Variants in NGLY1 observed in about 807,000 individuals in gnomAD.
NGLY1 encodes the protein peptide-N(4)-(N-acetyl-beta-glucosaminyl)asparagine amidase.
A neutral mutation model predicts 84.6 loss-of-function variants in NGLY1; 68 were observed. The ratio of observed to expected loss-of-function variants is 0.80; its 90% CI spans 0.66 to 0.98. The LOEUF is 0.98. Among genes scored for constraint, NGLY1 ranks in the 50% least tolerant of loss-of-function variants. The pLI is 0.00. For synonymous variants in NGLY1, 280 were observed against 275.2 expected (o/e 1.02, Z -0.17); for missense variants, 779 against 770.2 (o/e 1.01, Z -0.14).
intron 2 of NGLY1, chr3:25,778,324 T>C (rs1047823392): frequency 4.4e-5 from 13 of 295,572 alleles, no homozygotes; most frequent in Middle Eastern, 9.8e-4. Flanking sequence ...TTGGGTTGCA[T>C]GTATGACCCT....
intron 3 of NGLY1, among the ~76,000 whole-genome samples, chr3:25,763,719 T>C (rs1349260531): frequency 6.6e-6 from 1 of 152,204 alleles, no homozygotes; most frequent in Non-Finnish European, 1.5e-5. Flanking sequence ...AATAATAAAA[T>C]TTCACTAATT....
At chr3:25,732,096 TA>T (rs1044318958) in intron 9 of NGLY1, among the ~76,000 whole-genome samples, 1 of 151,996 alleles carries the variant, frequency 6.6e-6, no homozygotes. Context: ...TTACATAAGG[TA>T]AAAAAAATTT....
chr3:25,772,193 G>A (rs936838529), intron 2 of NGLY1, among the ~76,000 whole-genome samples: 2 of 152,096 alleles, frequency 1.3e-5, no homozygotes, highest in Non-Finnish European at 2.9e-5. Context: ...TTACCTTAAG[G>A]TATGTCCCTT....
In NGLY1 at chr3:25,789,965, G is replaced by A. The variant is rs918536087; in HGVS notation, c.-100C>T. 5 of 1,435,462 alleles carry A rather than the reference G, an allele frequency of 3.5e-6. No individual in the cohort carries two copies. In the South Asian group the frequency reaches 3.7e-5, roughly 11 times the overall value. The allele number at this position is 1,435,462 out of a possible 1,614,324, so 88.9% of individuals were successfully genotyped here. ...GCTACCCAGCCGCCTCCCACGGTCT[G>A]ACCTCAGCCAAGGTGACGCGGCTTA... On this transcript the variant is annotated 5_prime_UTR_variant, in exon 1 of 12. Transcript: ENST00000417874.
intron 3 of NGLY1, among the ~76,000 whole-genome samples, chr3:25,756,982 T>C (rs1174553181): frequency 2.0e-5 from 3 of 152,362 alleles, no homozygotes; most frequent in Admixed American, 2.0e-4. Flanking sequence ...AGACCTGTTT[T>C]GTTTTTCTTA....
chr3:25,749,111 CAG>C (rs151335906), intron 4 of NGLY1, among the ~76,000 whole-genome samples: 45 of 152,178 alleles, frequency 3.0e-4, no homozygotes, highest in African/African-American at 1.1e-3. Context: ...TTGGTAAAAA[CAG>C]GGGAAATTAG....
Position 25,783,107 on chromosome 3 carries a change from C to T in NGLY1, c.131+153G>A. The T allele has an allele frequency of 1.5e-6, 1 of 659,588 alleles. No individual in the cohort carries two copies. Among genetic ancestry groups the T allele is most frequent in the Non-Finnish European group, 2.5e-6 (1 of 407,490 alleles). The allele number at this position is 659,588 out of a possible 1,614,324, so 40.9% of individuals were successfully genotyped here. On this transcript the variant is annotated intron_variant, in intron 1 of 11. Coordinates refer to ENST00000280700, the MANE Select transcript of NGLY1 (RefSeq NM_018297.4). The surrounding 1 kb of genome is among the most constrained non-coding windows in gnomAD (Gnocchi z 4.5). ...GGTCCCGAGGCCCCTGGCCGGCGGG[C>T]TCGGACGTTAGGAGCAGAACCAGCT...
At chr3:25,737,904 C>T (rs1467152482) in intron 5 of NGLY1, among the ~76,000 whole-genome samples, 2 of 152,116 alleles carry the variant, frequency 1.3e-5, no homozygotes, top group Non-Finnish European at 2.9e-5. Context: ...AATGTTAGAA[C>T]ATTTGGTGAA....
Position 25,736,154 on chromosome 3 carries a change from T to C in NGLY1, c.1004-5A>G, listed in dbSNP as rs775894052. The C allele has an allele frequency of 1.9e-6, 3 of 1,609,952 alleles. No individual in the cohort carries two copies. In the Admixed American group the frequency reaches 5.1e-5, roughly 27 times the overall value. ...AGACTTCTGTCCAGACATGGTCTAC[T>C]CAAGTAAGAGAAAAGAGAGCAATGG... On this transcript the variant is annotated splice_polypyrimidine_tract_variant and splice_region_variant and intron_variant, in intron 6 of 11. Coordinates refer to ENST00000280700, the MANE Select transcript of NGLY1 (RefSeq NM_018297.4).
chr3:25,733,466 C>CGTTGTATGT (rs1705647795), intron 8 of NGLY1, among the ~76,000 whole-genome samples: 1 of 134,124 alleles, frequency 7.5e-6, no homozygotes, highest in African/African-American at 2.8e-5. Context: ...CTCACATGGA[C>CGTTGTATGT]GTGTGTGTGT....
chr3:25,766,337 G>A (rs1707570498), intron 2 of NGLY1, among the ~76,000 whole-genome samples: 1 of 152,190 alleles, frequency 6.6e-6, no homozygotes, highest in Admixed American at 6.5e-5. Context: ...AAAAAGCTGG[G>A]ATTATAGGCG....
rs1040190748 is a variant in NGLY1, at chr3:25,720,166, G to A, written c.1637C>T (p.Ser546Leu). The change falls in exon 11 of 12, where the codon TCA (serine) becomes TTA (leucine). Residue 546 changes from serine (S) to leucine (L), a missense_variant. By Grantham distance (145) the Ser-to-Leu change is moderately radical (BLOSUM62 -2). Transcript: ENST00000280700. ...CTTCCAGGAAATATAAGCAAAAGAT[G>A]ATCCTTCCTTTCGGGCCAAATATAC... The part of the protein sequence containing the change: ...HMVYLARKEG[S>L]SFAYISWKFE... The A allele has an allele frequency of 2.5e-5, 40 of 1,613,650 alleles. No individual in the cohort carries two copies. Among genetic ancestry groups the A allele is most frequent in the Non-Finnish European group, 3.3e-5 (39 of 1,179,800 alleles).
intron 5 of NGLY1, among the ~76,000 whole-genome samples, chr3:25,738,787 C>T (rs1356481178): frequency 6.6e-6 from 1 of 151,942 alleles, no homozygotes; most frequent in Non-Finnish European, 1.5e-5. Flanking sequence ...AAAACAAGCA[C>T]ATGATTAGAA....
At chr3:25,754,362 A>G (rs1706920653) in intron 3 of NGLY1, among the ~76,000 whole-genome samples, 1 of 152,246 alleles carries the variant, frequency 6.6e-6, no homozygotes, top group Non-Finnish European at 1.5e-5. Context: ...GTCAGAAGGA[A>G]CAGCACAAAG....
intron 10 of NGLY1, among the ~76,000 whole-genome samples, chr3:25,722,575 G>A (rs1422785803): frequency 6.6e-6 from 1 of 152,090 alleles, no homozygotes; most frequent in Non-Finnish European, 1.5e-5. Flanking sequence ...TGTAACAACT[G>A]AACAATCACT....
intron 3 of NGLY1, among the ~76,000 whole-genome samples, chr3:25,763,009 C>T (rs886869545): frequency 6.6e-6 from 1 of 151,816 alleles, no homozygotes; most frequent in Non-Finnish European, 1.5e-5. Flanking sequence ...CCTTTATTTC[C>T]AGAAACTCAG....
rs948858807 is a variant in NGLY1, at chr3:25,739,629, C to G, written c.829G>C (p.Glu277Gln). 5 of 1,614,010 alleles carry G rather than the reference C, an allele frequency of 3.1e-6. No homozygotes were observed. In the African/African-American group the frequency reaches 6.7e-5, roughly 22 times the overall value. The part of the protein sequence containing the change: ...SDDELKWGAK[E>Q]VEDHYCDACQ... ...GCATCACAGTAATGATCTTCCACTT[C>G]CTTTGCACCCCACTTCAGCTCATCA... The change falls in exon 5 of 12, where the codon GAA becomes CAA. Residue 277 changes from glutamate (E) to glutamine (Q), a missense_variant. Transcript: ENST00000280700.
At chr3:25,752,275 T>G (rs370287216) in intron 3 of NGLY1, among the ~76,000 whole-genome samples, 2 of 152,200 alleles carry the variant, frequency 1.3e-5, no homozygotes, top group East Asian at 3.9e-4. Context: ...CAGGCTGGAG[T>G]GCAGTGGTGA....
chr3:25,742,650 C>G (rs182725640), intron 4 of NGLY1, among the ~76,000 whole-genome samples: 5 of 152,134 alleles, frequency 3.3e-5, no homozygotes, highest in Admixed American at 3.3e-4. Flanking sequence ...GACTGTCATT[C>G]TCCTTCTCAG....
Sources: gnomAD v4.1 joint callset for allele counts (sites outside exome capture counted in the v4.1 genomes callset) on GRCh38, gnomAD v4.1.1 for gene constraint, Gnocchi (gnomAD v3.1) non-coding constraint, MANE v1.5 for transcripts, NCBI Gene and HGNC (gene_info 2026-07-23, HGNC 2026-07-21) for gene names.